The following CUX1 variants were observed in gnomAD, a reference collection of about 807,000 sequenced individuals.
CUX1 encodes cut like homeobox 1.
In CUX1, 31 loss-of-function variants were observed where a neutral mutation model predicts 158.8. The ratio of observed to expected loss-of-function variants is 0.20; its 90% CI spans 0.15 to 0.26. The LOEUF is 0.26. Among genes scored for constraint, CUX1 ranks in the 10% least tolerant of loss-of-function variants. CUX1 has a pLI of 1.00. For missense variants in CUX1, 1,589 were observed against 2,014.6 expected, an observed-to-expected ratio of 0.79 and a Z score of 4.04; for synonymous variants, 879 against 862.1, an observed-to-expected ratio of 1.02 and a Z score of -0.34.
chr7:101,894,779 G>A (rs916504678), intron 1 of CUX1, among the ~76,000 whole-genome samples: 1 of 152,198 alleles, frequency 6.6e-6, no homozygotes, highest in Admixed American at 6.5e-5. Context: ...CAGCACTGCT[G>A]TGGAGGAGGG....
intron 4 of CUX1, among the ~76,000 whole-genome samples, chr7:102,087,669 A>AAT (rs1184744016): frequency 6.6e-6 from 1 of 152,150 alleles, no homozygotes; most frequent in Admixed American, 6.5e-5. Flanking sequence ...AGAATCTTAT[A>AAT]ATACATTGTC....
At chr7:102,227,955 T>TTC (rs1742957972) in intron 21 of CUX1, among the ~76,000 whole-genome samples, 3 of 141,960 alleles carry the variant, frequency 2.1e-5, no homozygotes, top group East Asian at 2.0e-4. Flanking sequence ...TTTTTTCTTT[T>TTC]TTTTTTTTTT....
intron 2 of CUX1, among the ~76,000 whole-genome samples, chr7:102,024,039 A>G (rs1442819318): frequency 3.9e-5 from 6 of 152,220 alleles, no homozygotes; most frequent in Non-Finnish European, 8.8e-5. Flanking sequence ...AGAATATAGA[A>G]ATAATTGTAT....
At chr7:102,154,794 T>G (rs1393665896) in intron 8 of CUX1, among the ~76,000 whole-genome samples, 3 of 152,126 alleles carry the variant, frequency 2.0e-5, no homozygotes, top group African/African-American at 7.2e-5. Context: ...AATAGAAGTA[T>G]TCAAATGAAA....
At chr7:102,138,462 C>G (rs1241273359) in intron 8 of CUX1, among the ~76,000 whole-genome samples, 1 of 152,178 alleles carries the variant, frequency 6.6e-6, no homozygotes, top group Non-Finnish European at 1.5e-5. Context: ...CCTGAGCCTT[C>G]TAATCCGCCC....
At chr7:101,904,569 T>C (rs1375843324) in intron 1 of CUX1, among the ~76,000 whole-genome samples, 1 of 87,688 alleles carries the variant, frequency 1.1e-5, no homozygotes, top group African/African-American at 5.0e-5. Context: ...ATTTTGAGAA[T>C]TTTTTTTTTT....
intron 16 of CUX1, chr7:102,274,371 C>A: frequency 7.0e-7 from 1 of 1,438,624 alleles, no homozygotes; most frequent in South Asian, 1.2e-5. Context: ...CAGGTGATAC[C>A]GCCTGAGAAC....
intron 9 of CUX1, among the ~76,000 whole-genome samples, chr7:102,167,600 T>C (rs146524986): frequency 3.7e-4 from 57 of 152,300 alleles, no homozygotes; most frequent in African/African-American, 1.3e-3. Flanking sequence ...AGGAGAAATA[T>C]CTCCAAATAC....
chr7:101,931,101 G>GTGGC (rs1806239326), intron 2 of CUX1, among the ~76,000 whole-genome samples: 1 of 152,146 alleles, frequency 6.6e-6, no homozygotes. Flanking sequence ...GAGGTTCTGT[G>GTGGC]TGGCTGAGAG....
intron 4 of CUX1, among the ~76,000 whole-genome samples, chr7:102,093,085 G>A (rs190811299): frequency 1.3e-5 from 2 of 151,052 alleles, no homozygotes; most frequent in Non-Finnish European, 2.9e-5. Context: ...AGTTGGTTCC[G>A]TTGCTTAGGA....
chr7:102,259,065 A>C (rs1256025666), downstream of CUX1, among the ~76,000 whole-genome samples: 1 of 152,068 alleles, frequency 6.6e-6, no homozygotes, highest in Non-Finnish European at 1.5e-5. Context: ...TAATTTGGAG[A>C]TTTCAGATTG....
rs149011225 is a variant in CUX1, at chr7:102,145,734, G to T, written c.675-12826G>T. Among the ~76,000 whole-genome samples, 676 of 152,164 alleles carry T rather than the reference G, an allele frequency of 4.4e-3. 5 individuals carry two copies. Among genetic ancestry groups the T allele is most frequent in the African/African-American group, 0.016 (644 of 41,502 alleles). ...GGCCGAGGTGGGTGGATCATCTGAGGTCAGGAGTTCAAGACCAGCCTGACC... is the reference window on the plus strand; with the variant it reads ...GGCCGAGGTGGGTGGATCATCTGAGTTCAGGAGTTCAAGACCAGCCTGACC... On this transcript the variant is annotated intron_variant, in intron 8 of 23. Transcript: ENST00000292535.
Position 102,166,835 on chromosome 7 carries a change from G to C in CUX1, c.724-3611G>C, listed in dbSNP as rs143419371. On this transcript the variant is annotated intron_variant, in intron 9 of 23. Transcript: ENST00000292535. ...CAGGACAGAAATCCTGAATAACTAT[G>C]TGATCAGAAAGTTGCGTGAAAGTAA... Among the ~76,000 whole-genome samples, 728 of 152,212 alleles carry C rather than the reference G, an allele frequency of 4.8e-3. 7 individuals carry two copies. The highest frequency in any genetic ancestry group is 0.017 in the African/African-American group (693 of 41,508).
chr7:102,169,573 C>T (rs1791485688), intron 9 of CUX1, among the ~76,000 whole-genome samples: 1 of 152,260 alleles, frequency 6.6e-6, no homozygotes, highest in Non-Finnish European at 1.5e-5. Flanking sequence ...GTCCTGGGCA[C>T]TTCCGTGGCT....
At chr7:102,278,740 A>G (rs1009250684) in intron 18 of CUX1, among the ~76,000 whole-genome samples, 2 of 149,632 alleles carry the variant, frequency 1.3e-5, no homozygotes, top group South Asian at 4.2e-4. Flanking sequence ...TAAATAAAAT[A>G]AAATAAAATA....
chr7:102,211,778 TAAAAAA>T (rs66627422), intron 20 of CUX1, among the ~76,000 whole-genome samples: 1 of 77,474 alleles, frequency 1.3e-5, no homozygotes, highest in Non-Finnish European at 2.5e-5. Context: ...AAACTCCATC[TAAAAAA>T]AAAAAAAAAA....
intron 8 of CUX1, among the ~76,000 whole-genome samples, chr7:102,150,317 G>A (rs976916565): frequency 2.8e-4 from 43 of 152,178 alleles, no homozygotes; most frequent in African/African-American, 8.7e-4. Flanking sequence ...CACCATGCCC[G>A]GCTAATACTT....
At chr7:102,061,358 G>T (rs748499480) in intron 3 of CUX1, among the ~76,000 whole-genome samples, 14 of 152,156 alleles carry the variant, frequency 9.2e-5, no homozygotes, top group Non-Finnish European at 1.8e-4. Context: ...CCCAGCCCCA[G>T]TGCGCAATGC....
intron 2 of CUX1, among the ~76,000 whole-genome samples, chr7:101,994,626 A>G (rs2129253398): frequency 1.3e-5 from 2 of 152,200 alleles, no homozygotes; most frequent in South Asian, 4.1e-4. Flanking sequence ...AAAAGGAAAT[A>G]TGAGCTCCCT....
Sources: allele counts gnomAD v4.1 joint callset (sites outside exome capture counted in the v4.1 genomes callset), GRCh38; gene constraint gnomAD v4.1.1; transcripts MANE v1.5; gene names NCBI Gene and HGNC (gene_info 2026-07-23, HGNC 2026-07-21).